CRYBB1: variants seen among roughly 807,000 people sequenced by gnomAD.
CRYBB1 encodes the protein beta-crystallin B1.
In CRYBB1, 16 loss-of-function variants were observed where a neutral mutation model predicts 29.5. The ratio of observed to expected loss-of-function variants is 0.54; its 90% CI spans 0.37 to 0.82. CRYBB1 has a LOEUF of 0.82. CRYBB1 is among the 40% of genes least tolerant of loss of function. The probability of loss-of-function intolerance (pLI) is 0.00; values close to 1 mark genes in which losing one functional copy is unlikely to be tolerated. For missense variants in CRYBB1, 300 were observed against 350.5 expected (o/e 0.86, Z 1.15); for synonymous variants, 127 against 136.7 (o/e 0.93, Z 0.49).
chr22:26,617,197 G>A (rs1237980230), intron 1 of CRYBB1, among the ~76,000 whole-genome samples: 1 of 152,166 alleles, frequency 6.6e-6, no homozygotes, highest in Admixed American at 6.5e-5. Flanking sequence ...TGGGTGGAGA[G>A]GGCTTTGGTC....
intron 5 of CRYBB1, among the ~76,000 whole-genome samples, chr22:26,600,181 C>T (rs903601120): frequency 6.6e-6 from 1 of 152,108 alleles, no homozygotes; most frequent in African/African-American, 2.4e-5. Flanking sequence ...GCGGGCAAAT[C>T]ACAAGGTCAG....
chr22:26,600,011 T>G (rs371127157), intron 5 of CRYBB1, among the ~76,000 whole-genome samples: 55 of 152,342 alleles, frequency 3.6e-4, no homozygotes, highest in African/African-American at 1.3e-3. Flanking sequence ...AACGTGATGA[T>G]GCAGGGCTCA....
At position 26,607,943 on chromosome 22, in the gene CRYBB1, T is replaced by A. The variant is rs1929034657; in HGVS notation, c.378A>T (p.Thr126=). 4 of 1,614,084 alleles carry A rather than the reference T, an allele frequency of 2.5e-6. No homozygotes were observed. The East Asian group carries it at 8.9e-5, about 36-fold the overall frequency. The change falls in exon 4 of 6, where the codon ACA becomes ACT. Residue 126 remains threonine, a synonymous_variant. Transcript: ENST00000647684. ...GATCACTGCGGTAGCTGCTCGACCA[T>A]GTGTTCCAGCGAGGGTACTCGCCCT... The part of the protein sequence containing the change: ...LEKGEYPRWN[T]WSSSYRSDRL...
At chr22:26,616,382 C>T (rs1929356704) in intron 1 of CRYBB1, 44 bp from the exon 2 acceptor site, 6 of 1,326,734 alleles carry the variant, frequency 4.5e-6, no homozygotes, top group Admixed American at 3.4e-5. Flanking sequence ...CCCCAAACTG[C>T]CTCCTGCCCT....
At chr22:26,602,048 G>A (rs2145958358) in intron 4 of CRYBB1, 27 bp from the exon 5 acceptor site, 1 of 1,612,278 alleles carries the variant, frequency 6.2e-7, no homozygotes, top group Non-Finnish European at 8.5e-7. Flanking sequence ...CGGGTCAGGT[G>A]TGTGAAGTAC....
chr22:26,614,018 C>T (rs909315499), intron 2 of CRYBB1, among the ~76,000 whole-genome samples: 2 of 152,150 alleles, frequency 1.3e-5, no homozygotes, highest in African/African-American at 4.8e-5. Context: ...CTCTCCCAGG[C>T]TTATTAGGAA....
At chr22:26,611,561 G>A (rs1221841972) in intron 3 of CRYBB1, among the ~76,000 whole-genome samples, 1 of 149,440 alleles carries the variant, frequency 6.7e-6, no homozygotes, top group Non-Finnish European at 1.5e-5. Flanking sequence ...TGCAAGCTCC[G>A]CTTCCCGGGT....
intron 3 of CRYBB1, among the ~76,000 whole-genome samples, chr22:26,609,090 C>T (rs999144021): frequency 2.6e-5 from 4 of 152,090 alleles, no homozygotes; most frequent in Non-Finnish European, 5.9e-5. Flanking sequence ...CTTTGCTCCC[C>T]GTGTGTTCAA....
Position 26,607,184 on chromosome 22 carries a change from G to A in CRYBB1, c.432+705C>T, listed in dbSNP as rs1238327924. ...ATTACAGGCATGCGCCACCACGCCC[G>A]GCTAATTTTTGTATTTTTAGTAAAG... On this transcript the variant is annotated intron_variant, in intron 4 of 5. Transcript: ENST00000647684. Among the ~76,000 whole-genome samples the A allele has an allele frequency of 5.3e-5, 8 of 151,764 alleles. No homozygotes were observed. In the East Asian group the frequency reaches 5.8e-4, roughly 11 times the overall value.
At chr22:26,607,181 C>T (rs1208258541) in intron 4 of CRYBB1, among the ~76,000 whole-genome samples, 1 of 151,946 alleles carries the variant, frequency 6.6e-6, no homozygotes, top group Non-Finnish European at 1.5e-5. Context: ...CGCCACCACG[C>T]CCGGCTAATT....
intron 2 of CRYBB1, among the ~76,000 whole-genome samples, chr22:26,613,310 G>A (rs1324633259): frequency 1.3e-5 from 2 of 152,154 alleles, no homozygotes; most frequent in Non-Finnish European, 2.9e-5. Context: ...TAAGAGGAGG[G>A]GAGGTTCATA....
chr22:26,604,919 CCTA>C (rs1181469499), intron 4 of CRYBB1, among the ~76,000 whole-genome samples: 1 of 152,154 alleles, frequency 6.6e-6, no homozygotes, highest in Non-Finnish European at 1.5e-5. Context: ...CCTATGAGAC[CCTA>C]CAAGACCCTG....
chr22:26,616,723 T>C (rs373280633), intron 1 of CRYBB1, among the ~76,000 whole-genome samples: 16 of 152,320 alleles, frequency 1.1e-4, no homozygotes, highest in African/African-American at 3.8e-4. Flanking sequence ...GTACTTAAGG[T>C]GTGCCAGGCA....
chr22:26,611,434 T>C (rs570624307), intron 3 of CRYBB1, among the ~76,000 whole-genome samples: 1 of 151,286 alleles, frequency 6.6e-6, no homozygotes, highest in Admixed American at 6.6e-5. Flanking sequence ...CTCTCAGCCC[T>C]CGGTAATGGG....
intron 3 of CRYBB1, among the ~76,000 whole-genome samples, chr22:26,609,835 T>TA (rs1054259089): frequency 1.4e-4 from 22 of 152,348 alleles, no homozygotes; most frequent in African/African-American, 5.3e-4. Context: ...GGGCAGCACT[T>TA]ACACCTGCTA....
rs907809355 is a variant in CRYBB1, at chr22:26,610,974, G to A, written c.299+1098C>T. ...GGGGAGACAAGAGCAAACGAGCTGC[G>A]TGGATCTTGTCCTGGGGCTGCCCCT... On this transcript the variant is annotated intron_variant, in intron 3 of 5. Transcript: ENST00000647684. Among the ~76,000 whole-genome samples, 8 of 152,150 alleles carry A rather than the reference G, an allele frequency of 5.3e-5. 1 individual carries two copies. In the South Asian group the frequency reaches 8.3e-4, roughly 16 times the overall value.
chr22:26,612,138 C>T lies in CRYBB1; in HGVS notation c.233G>A (p.Gly78Glu), dbSNP rs147384279. 1.2e-6 allele frequency: 2 copies of T among 1,613,954 alleles called. No individual in the cohort carries two copies. Among genetic ancestry groups the T allele is most frequent in the Non-Finnish European group, 8.5e-7 (1 of 1,180,000 alleles). ...NFQGRRAEFS[G>E]ECSNLADRGF... is the part of the protein sequence containing the mutation. ...ACGGTCTGCCAGATTTGAGCACTCCCCCGAGAATTCTGCTCGACGGCCCTG... is the reference window on the plus strand; with the variant it reads ...ACGGTCTGCCAGATTTGAGCACTCCTCCGAGAATTCTGCTCGACGGCCCTG... Residue 78 changes from glycine to glutamate, a missense_variant, in exon 3 of 6, where the codon GGG (glycine) becomes GAG (glutamate). Coordinates refer to ENST00000647684, the MANE Select transcript of CRYBB1 (RefSeq NM_001887.4).
intron 4 of CRYBB1, 65 bp downstream of exon 4, chr22:26,607,824 C>T (rs1432674503): frequency 9.3e-6 from 15 of 1,611,488 alleles, no homozygotes; most frequent in Admixed American, 1.7e-5. Flanking sequence ...CTTGTCAGAT[C>T]TCAGACTTAC....
chr22:26,614,473 G>A (rs1209502342), intron 2 of CRYBB1, among the ~76,000 whole-genome samples: 1 of 152,170 alleles, frequency 6.6e-6, no homozygotes, highest in Non-Finnish European at 1.5e-5. Context: ...AGGAGACAGG[G>A]ATAAGAACGT....
Sources: allele counts gnomAD v4.1 joint callset (sites outside exome capture counted in the v4.1 genomes callset), GRCh38; gene constraint gnomAD v4.1.1; transcripts MANE v1.5; gene names NCBI Gene and HGNC (gene_info 2026-07-23, HGNC 2026-07-21).